AMN1: variants seen among roughly 807,000 people sequenced by gnomAD.
The protein encoded by AMN1 is antagonist of mitotic exit network 1 homolog, also known as protein AMN1 homolog.
In AMN1, 20 loss-of-function variants were observed where a neutral mutation model predicts 33.0. The ratio of observed to expected loss-of-function variants is 0.61; its 90% CI spans 0.43 to 0.88. AMN1 has a LOEUF of 0.88. Among genes scored for constraint, AMN1 ranks in the 40% least tolerant of loss-of-function variants. The probability of loss-of-function intolerance (pLI) is 0.00; values close to 1 mark genes in which losing one functional copy is unlikely to be tolerated. For synonymous variants in AMN1, 114 were observed against 111.9 expected (o/e 1.02, Z -0.12); for missense variants, 246 against 307.4 (o/e 0.80, Z 1.49).
chr12:31,688,003 G>A lies in AMN1; in HGVS notation c.703+1004C>T, dbSNP rs980736433. On this transcript the variant is annotated intron_variant, in intron 6 of 6. Transcript: ENST00000281471. ...GAGTTTCGCTCTTGTTGCCCAGGCT[G>A]GAATGCAATGGCGTGATCTCAGCTC... Among the ~76,000 whole-genome samples the A allele has an allele frequency of 4.6e-5, 7 of 152,290 alleles. 1 individual carries two copies. The highest frequency in any genetic ancestry group is 2.4e-5 in the African/African-American group (1 of 41,566).
intron 1 of AMN1, among the ~76,000 whole-genome samples, chr12:31,714,139 G>T (rs1417359542): frequency 6.6e-6 from 1 of 151,860 alleles, no homozygotes; most frequent in Non-Finnish European, 1.5e-5. Flanking sequence ...TGAGTCGGGG[G>T]TAAAGAAAAA....
rs1592149057 is a variant in AMN1 at position 31,682,482 on chromosome 12, A to G, written c.703+6525T>C. Among the ~76,000 whole-genome samples, 4 of 113,004 alleles carry G rather than the reference A, an allele frequency of 3.5e-5. No homozygotes were observed. In the East Asian group the frequency reaches 1.2e-3, roughly 35 times the overall value. The allele number at this position is 113,004 out of a possible 152,430, so 74.1% of individuals were successfully genotyped here. On this transcript the variant is annotated intron_variant, in intron 6 of 6. Transcript: ENST00000281471. ...GGACTAGAGAGAGGGTGTATGTGTC[A>G]TGACGTTGTTTAGCAGCAAGATCGG...
chr12:31,697,828 C>CCTAAATCGATGATCTTTAG lies in AMN1; in HGVS notation c.427_445dup (p.Gly149AlafsTer14). 5 of 1,614,016 alleles carry CCTAAATCGATGATCTTTAG rather than the reference C, an allele frequency of 3.1e-6. No individual in the cohort carries two copies. The highest frequency in any genetic ancestry group is 4.2e-6 in the Non-Finnish European group (5 of 1,179,884). On this transcript the variant is annotated frameshift_variant, in exon 4 of 7. Transcript: ENST00000281471. LOFTEE classifies it high-confidence loss of function. ...CACATCAGTAATACTTAAGCAGCCA[C>CCTAAATCGATGATCTTTAG]CTAAATCGATGATCTTTAGCAGCTG...
In AMN1 at chr12:31,713,831, G is replaced by A. The variant is rs560285615; in HGVS notation, c.39-4406C>T. ...CCACTGCACTCCAGCCTGGGTGAGAGAGCTAGACCTTGTCTCAAAAAAAGA... is the reference window on the plus strand; with the variant it reads ...CCACTGCACTCCAGCCTGGGTGAGAAAGCTAGACCTTGTCTCAAAAAAAGA... On this transcript the variant is annotated intron_variant, in intron 1 of 6. Transcript: ENST00000281471. 7.0e-4 allele frequency among the ~76,000 whole-genome samples: 106 copies of A among 151,948 alleles called. 2 individuals are homozygous for A. The South Asian group carries it at 0.02, about 29-fold the overall frequency.
intron 4 of AMN1, 26 bp from the exon 5 acceptor site, chr12:31,697,443 G>C (rs1938780097): frequency 1.2e-6 from 2 of 1,607,682 alleles, no homozygotes; most frequent in East Asian, 4.5e-5. Flanking sequence ...AAGAAACACA[G>C]TCCATGAATC....
Position 31,676,617 on chromosome 12 carries a change from T to C in AMN1, c.704-4240A>G, listed in dbSNP as rs528827942. On this transcript the variant is annotated intron_variant, in intron 6 of 6. Coordinates refer to ENST00000281471, the MANE Select transcript of AMN1 (RefSeq NM_001113402.2). ...AATTACAGGTGTGAGCCACCGCGCC[T>C]GGCCAACACTTCCCAATTTCATTTT... Among the ~76,000 whole-genome samples, 42 of 151,436 alleles carry C rather than the reference T, an allele frequency of 2.8e-4. 1 individual carries two copies. Among genetic ancestry groups the C allele is most frequent in the South Asian group, 2.1e-3 (10 of 4,796 alleles).
chr12:31,684,493 T>TG (rs1389529569), intron 6 of AMN1, among the ~76,000 whole-genome samples: 1 of 150,754 alleles, frequency 6.6e-6, no homozygotes, highest in African/African-American at 2.4e-5. Context: ...TTTTTTGAGA[T>TG]GGAGTCTCAC....
chr12:31,708,416 G>A (rs1189893474), intron 2 of AMN1, among the ~76,000 whole-genome samples: 2 of 152,160 alleles, frequency 1.3e-5, no homozygotes, highest in East Asian at 3.8e-4. Context: ...CCCAGCCCTG[G>A]TAAATTTGAG....
intron 2 of AMN1, among the ~76,000 whole-genome samples, chr12:31,706,996 A>C (rs1321886066): frequency 4.5e-5 from 5 of 110,516 alleles, no homozygotes; most frequent in South Asian, 8.1e-4. Context: ...AAATAAGAAA[A>C]GATTAATAAG....
intron 3 of AMN1, among the ~76,000 whole-genome samples, chr12:31,700,340 G>C (rs1241636055): frequency 6.6e-6 from 1 of 152,010 alleles, no homozygotes; most frequent in Non-Finnish European, 1.5e-5. Context: ...TCCAGCTTGG[G>C]TGACAGATCA....
Position 31,706,590 on chromosome 12 carries a change from TATCG to T in AMN1, c.171+2699_171+2702del, listed in dbSNP as rs371924639. Among the ~76,000 whole-genome samples, 289 of 152,248 alleles carry T rather than the reference TATCG, an allele frequency of 1.9e-3. 2 individuals carry two copies. The highest frequency in any genetic ancestry group is 6.5e-3 in the African/African-American group (272 of 41,574). On this transcript the variant is annotated intron_variant, in intron 2 of 6. Transcript: ENST00000281471. ...AATACAAAAGATAACACAGGAGTAG[TATCG>T]AAGGAAATTATCTACTCTGCTATTT...
At chr12:31,712,388 C>T (rs568891630) in intron 1 of AMN1, among the ~76,000 whole-genome samples, 2 of 152,166 alleles carry the variant, frequency 1.3e-5, no homozygotes, top group African/African-American at 2.4e-5. Context: ...GCTGGGATTA[C>T]AGGCACATGC....
intron 3 of AMN1, among the ~76,000 whole-genome samples, chr12:31,701,102 C>T (rs1292220175): frequency 4.6e-5 from 7 of 151,720 alleles, no homozygotes; most frequent in African/African-American, 7.3e-5. Context: ...TAGGTTCAAG[C>T]GATTCTCCTA....
intron 2 of AMN1, 145 bp from the exon 3 acceptor site, chr12:31,702,152 C>T: frequency 2.7e-6 from 2 of 740,482 alleles, no homozygotes; most frequent in South Asian, 4.1e-5. Flanking sequence ...CATGTGCAGA[C>T]AGACACACAA....
At chr12:31,728,534 G>A (rs1940174583) in intron 1 of AMN1, among the ~76,000 whole-genome samples, 1 of 152,200 alleles carries the variant, frequency 6.6e-6, no homozygotes, top group African/African-American at 2.4e-5. Context: ...CCAGGGATCC[G>A]TGGTCTTAAC....
chr12:31,706,239 G>A (rs1939232379), intron 2 of AMN1, among the ~76,000 whole-genome samples: 1 of 148,938 alleles, frequency 6.7e-6, no homozygotes, highest in Admixed American at 6.8e-5. Context: ...GTGAACCTGG[G>A]AGGCAGAGGT....
intron 1 of AMN1, among the ~76,000 whole-genome samples, chr12:31,720,339 G>A (rs184068540): frequency 8.8e-4 from 134 of 152,260 alleles, no homozygotes; most frequent in Non-Finnish European, 1.6e-3. Flanking sequence ...TCAGGAGTTC[G>A]AGACCAGCCT....
intron 2 of AMN1, among the ~76,000 whole-genome samples, chr12:31,705,177 A>C (rs1055306759): frequency 1.3e-5 from 2 of 152,202 alleles, no homozygotes; most frequent in African/African-American, 4.8e-5. Context: ...TGCAATTCCA[A>C]TGTAAAGTCA....
At chr12:31,678,177 C>A (rs1937823555) in intron 6 of AMN1, among the ~76,000 whole-genome samples, 1 of 152,112 alleles carries the variant, frequency 6.6e-6, no homozygotes, top group Non-Finnish European at 1.5e-5. Context: ...ACCTGTTACG[C>A]CTTTCTCTTA....
Sources: gnomAD v4.1 joint callset for allele counts (sites outside exome capture counted in the v4.1 genomes callset) on GRCh38, gnomAD v4.1.1 for gene constraint, MANE v1.5 for transcripts, NCBI Gene and HGNC (gene_info 2026-07-23, HGNC 2026-07-21) for gene names.